Variants in TTC28 observed in about 807,000 individuals in gnomAD.
TTC28 encodes tetratricopeptide repeat protein 28.
Under a neutral mutation model 198.0 loss-of-function variants are expected in TTC28, and 61 were observed. The observed-to-expected ratio is 0.31, with a 90% CI of 0.25 to 0.38. The LOEUF (loss-of-function observed/expected upper bound fraction) is 0.38, where lower values mean the gene tolerates loss of function less well. TTC28 is among the 10% of genes least tolerant of loss of function. TTC28 has a pLI of 1.00. For synonymous variants in TTC28, 1,171 were observed against 1,297.8 expected, an observed-to-expected ratio of 0.90 and a Z score of 2.10; for missense variants, 2,678 against 3,164.0, an observed-to-expected ratio of 0.85 and a Z score of 3.69.
chr22:28,159,160 C>A (rs956249949), intron 6 of TTC28, among the ~76,000 whole-genome samples: 2 of 152,028 alleles, frequency 1.3e-5, no homozygotes, highest in African/African-American at 4.8e-5. Flanking sequence ...GGCATAAGAT[C>A]TGATCACCAC....
intron 2 of TTC28, among the ~76,000 whole-genome samples, chr22:28,377,080 G>T (rs2046422266): frequency 8.9e-6 from 1 of 111,926 alleles, no homozygotes. Flanking sequence ...GTAATACACA[G>T]GACATAATAG....
At chr22:28,272,943 A>T (rs1230086335) in intron 5 of TTC28, among the ~76,000 whole-genome samples, 1 of 152,252 alleles carries the variant, frequency 6.6e-6, no homozygotes, top group South Asian at 2.1e-4. Context: ...AGTAACTGCA[A>T]TAAATCAAGT....
intron 2 of TTC28, among the ~76,000 whole-genome samples, chr22:28,450,692 T>C (rs950272009): frequency 1.3e-5 from 2 of 152,306 alleles, no homozygotes; most frequent in East Asian, 1.9e-4. Flanking sequence ...ATAATGCTCA[T>C]GTGTTTCAGT....
chr22:28,088,819 A>G (rs896256725), intron 12 of TTC28, among the ~76,000 whole-genome samples: 1 of 152,240 alleles, frequency 6.6e-6, no homozygotes, highest in East Asian at 1.9e-4. Flanking sequence ...ATTTACAAGA[A>G]AAAAACAAAC....
intron 8 of TTC28, among the ~76,000 whole-genome samples, chr22:28,103,605 A>C (rs1942219061): frequency 6.6e-6 from 1 of 152,178 alleles, no homozygotes; most frequent in Non-Finnish European, 1.5e-5. Context: ...GGTTTGGCCC[A>C]CGAGGAAAGC....
In TTC28 at chr22:28,468,115, A is replaced by C. The variant is rs189198255; in HGVS notation, c.381+161437T>G. On this transcript the variant is annotated intron_variant, in intron 2 of 22. Coordinates refer to ENST00000397906, the MANE Select transcript of TTC28 (RefSeq NM_001145418.2). ...TTTCAGAGAAATAAGGTACAAAGTA[A>C]GAATGCTATGAAAATATGATCATAA... Among the ~76,000 whole-genome samples, 214 of 152,270 alleles carry C rather than the reference A, an allele frequency of 1.4e-3. 1 individual carries two copies. Among genetic ancestry groups the C allele is most frequent in the African/African-American group, 4.8e-3 (199 of 41,556 alleles).
intron 1 of TTC28, among the ~76,000 whole-genome samples, chr22:28,636,866 T>G (rs1255932735): frequency 6.6e-6 from 1 of 151,980 alleles, no homozygotes; most frequent in South Asian, 2.1e-4. Flanking sequence ...TGTGGAAAAA[T>G]TTTTAGTTTG....
At chr22:28,273,623 G>A (rs1932233559) in intron 5 of TTC28, among the ~76,000 whole-genome samples, 1 of 152,036 alleles carries the variant, frequency 6.6e-6, no homozygotes, top group Non-Finnish European at 1.5e-5. Context: ...ATGGTACAAA[G>A]GTATAATATA....
At chr22:28,278,274 A>G (rs1216067227) in intron 5 of TTC28, among the ~76,000 whole-genome samples, 1 of 152,228 alleles carries the variant, frequency 6.6e-6, no homozygotes, top group Non-Finnish European at 1.5e-5. Flanking sequence ...ACATGAAATA[A>G]TGTACACAAA....
rs868509266 is a variant in TTC28 at position 28,343,211 on chromosome 22, G to A, written c.382-36568C>T. Among the ~76,000 whole-genome samples, 6 of 152,096 alleles carry A rather than the reference G, an allele frequency of 3.9e-5. No individual in the cohort carries two copies. In the South Asian group the frequency reaches 6.2e-4, roughly 16 times the overall value. On this transcript the variant is annotated intron_variant, in intron 2 of 22. Coordinates refer to ENST00000397906, the MANE Select transcript of TTC28 (RefSeq NM_001145418.2). ...GGAGATTAGACAGAAAAAAATAGAC[G>A]AGAAAATCAGATGTAACTTTAAAAG...
intron 6 of TTC28, among the ~76,000 whole-genome samples, chr22:28,154,356 CTTTTTTTTTTT>C (rs559340098): frequency 8.7e-6 from 1 of 115,574 alleles, no homozygotes; most frequent in Non-Finnish European, 1.8e-5. Flanking sequence ...TTTTCTTTTT[CTTTTTTTTTTT>C]TTGAGACAGA....
chr22:28,462,203 G>A (rs1227131036), intron 2 of TTC28, among the ~76,000 whole-genome samples: 1 of 152,186 alleles, frequency 6.6e-6, no homozygotes, highest in Non-Finnish European at 1.5e-5. Flanking sequence ...CCTTTGAGGT[G>A]AGTATACTTC....
intron 2 of TTC28, among the ~76,000 whole-genome samples, chr22:28,393,650 T>C (rs1450900225): frequency 6.6e-6 from 1 of 152,096 alleles, no homozygotes; most frequent in Non-Finnish European, 1.5e-5. Context: ...GCTGAAATCA[T>C]ACCACTACAC....
intron 2 of TTC28, among the ~76,000 whole-genome samples, chr22:28,474,624 T>C (rs1418432858): frequency 2.0e-5 from 3 of 152,104 alleles, no homozygotes; most frequent in Admixed American, 6.5e-5. Context: ...GGCAGAAAAG[T>C]AGAAGAGTTG....
At chr22:28,528,206 A>T (rs1315080279) in intron 2 of TTC28, among the ~76,000 whole-genome samples, 2 of 152,182 alleles carry the variant, frequency 1.3e-5, no homozygotes, top group Admixed American at 1.3e-4. Context: ...CAGTTTCATA[A>T]AGGACATATG....
At chr22:28,448,127 C>T (rs2047729305) in intron 2 of TTC28, among the ~76,000 whole-genome samples, 1 of 152,128 alleles carries the variant, frequency 6.6e-6, no homozygotes, top group Non-Finnish European at 1.5e-5. Flanking sequence ...TTCAAAGATC[C>T]AGCATCAAAT....
At chr22:28,394,267 G>T (rs1299247812) in intron 2 of TTC28, among the ~76,000 whole-genome samples, 2 of 152,078 alleles carry the variant, frequency 1.3e-5, no homozygotes, top group East Asian at 3.9e-4. Flanking sequence ...ATACAATTTT[G>T]TAGAATGTAC....
At chr22:28,369,080 A>C (rs1252167184) in intron 2 of TTC28, among the ~76,000 whole-genome samples, 1 of 152,152 alleles carries the variant, frequency 6.6e-6, no homozygotes, top group Non-Finnish European at 1.5e-5. Flanking sequence ...AAGTAGAAAA[A>C]CAATCCTAAA....
chr22:28,117,610 G>A (rs1457029499), intron 6 of TTC28, among the ~76,000 whole-genome samples: 1 of 152,176 alleles, frequency 6.6e-6, no homozygotes, highest in African/African-American at 2.4e-5. Flanking sequence ...TTATCATGGT[G>A]CCCTCGAGTT....
Sources: allele counts gnomAD v4.1 joint callset (sites outside exome capture counted in the v4.1 genomes callset), GRCh38; gene constraint gnomAD v4.1.1; transcripts MANE v1.5; gene names NCBI Gene and HGNC (gene_info 2026-07-23, HGNC 2026-07-21).